The following ASTN1 variants were observed in gnomAD, a reference collection of about 807,000 sequenced individuals.
ASTN1 encodes the protein astrotactin 1.
In ASTN1, 41 loss-of-function variants were observed where a neutral mutation model predicts 140.7. The ratio of observed to expected loss-of-function variants is 0.29; its 90% CI spans 0.23 to 0.38. The LOEUF is 0.38. Among genes scored for constraint, ASTN1 ranks in the 10% least tolerant of loss-of-function variants. The probability of loss-of-function intolerance (pLI) is 1.00; values close to 1 mark genes in which losing one functional copy is unlikely to be tolerated. For missense variants in ASTN1, 1,479 were observed against 1,678.8 expected, an observed-to-expected ratio of 0.88 and a Z score of 2.08; for synonymous variants, 640 against 652.2, an observed-to-expected ratio of 0.98 and a Z score of 0.29.
In ASTN1 at chr1:177,061,127, T is replaced by C; in HGVS notation, c.422A>G (p.Gln141Arg). The change falls in exon 2 of 23, where the codon CAA (glutamine) becomes CGA (arginine). Residue 141 changes from glutamine (Q) to arginine (R), a missense_variant. Around this residue, in one of 3 missense-constraint regions of ASTN1, gnomAD observed 729 missense variants for 860.4 expected, o/e 0.85. Transcript: ENST00000361833. The part of the protein sequence containing the change: ...LPGQDPTEEP[Q>R]HESAEEELRI... ...CAGCTCCTCTTCTGCCGACTCATGT[T>C]GGGGTTCTTCAGTGGGGTCTTGTCC... 3 of 1,611,936 alleles carry C rather than the reference T, an allele frequency of 1.9e-6. No individual in the cohort carries two copies. The highest frequency in any genetic ancestry group is 8.5e-7 in the Non-Finnish European group (1 of 1,179,064).
chr1:176,919,546 G>A (rs1670642415), intron 16 of ASTN1, among the ~76,000 whole-genome samples: 1 of 152,148 alleles, frequency 6.6e-6, no homozygotes, highest in South Asian at 2.1e-4. Flanking sequence ...ACCTTACCAT[G>A]GTCAGTGTTG....
intron 1 of ASTN1, among the ~76,000 whole-genome samples, chr1:177,110,375 C>A (rs972635319): frequency 6.6e-6 from 1 of 152,172 alleles, no homozygotes; most frequent in Admixed American, 6.5e-5. Flanking sequence ...AAGACCAATA[C>A]ATCATTGTAC....
intron 5 of ASTN1, among the ~76,000 whole-genome samples, chr1:177,027,079 A>G (rs1394934531): frequency 6.6e-6 from 1 of 152,192 alleles, no homozygotes; most frequent in Non-Finnish European, 1.5e-5. Context: ...CCCTGACAAG[A>G]CCATCATAGT....
At chr1:177,020,053 T>C (rs566200272) in intron 7 of ASTN1, among the ~76,000 whole-genome samples, 2 of 152,162 alleles carry the variant, frequency 1.3e-5, no homozygotes, top group East Asian at 3.9e-4. Flanking sequence ...GCCTGTTTAA[T>C]TTTTTGTATT....
rs181852343 is a variant in ASTN1 at position 176,898,075 on chromosome 1, T to C, written c.2672-3245A>G. The stretch of plus-strand genomic sequence containing the variant: ...GTCATAGCTGTAAACATCTGAGGGG[T>C]TGCTCCCCTTGCTACTGTTTTCTGG... On this transcript the variant is annotated intron_variant, in intron 16 of 22. Coordinates refer to ENST00000361833, the MANE Select transcript of ASTN1 (RefSeq NM_004319.3). 3.1e-3 allele frequency among the ~76,000 whole-genome samples: 472 copies of C among 152,116 alleles called. 5 individuals carry two copies. Among genetic ancestry groups the C allele is most frequent in the African/African-American group, 0.011 (456 of 41,472 alleles).
intron 19 of ASTN1, among the ~76,000 whole-genome samples, chr1:176,883,894 T>C (rs1668913893): frequency 2.0e-5 from 3 of 152,184 alleles, no homozygotes; most frequent in Admixed American, 2.0e-4. Flanking sequence ...GGAAAAGACA[T>C]GGGCCAAACA....
intron 8 of ASTN1, among the ~76,000 whole-genome samples, chr1:176,967,765 G>A (rs1208383016): frequency 1.3e-5 from 2 of 152,196 alleles, no homozygotes; most frequent in Non-Finnish European, 2.9e-5. Flanking sequence ...CTGTTGCTAA[G>A]TAGTTTAGGT....
Position 177,017,164 on chromosome 1 carries a change from C to G in ASTN1, c.1439-2289G>C, listed in dbSNP as rs1675587877. On this transcript the variant is annotated intron_variant, in intron 7 of 22. Transcript: ENST00000361833. ...ATAGCACATTTACCTTCTGAAATTGCCTTCGTAGTCATTATCTCCTTATGA... is the reference window on the plus strand; with the variant it reads ...ATAGCACATTTACCTTCTGAAATTGGCTTCGTAGTCATTATCTCCTTATGA... Among the ~76,000 whole-genome samples the G allele has an allele frequency of 4.6e-5, 7 of 152,228 alleles. 1 individual carries two copies. The South Asian group carries it at 1.4e-3, about 31-fold the overall frequency.
At position 176,936,290 on chromosome 1, in the gene ASTN1, G is replaced by A; in HGVS notation, c.2458C>T (p.Leu820Phe). 6.2e-7 allele frequency: 1 copy of A among 1,614,072 alleles called. No individual in the cohort carries two copies. The highest frequency in any genetic ancestry group is 1.1e-5 in the South Asian group (1 of 91,082). Reference sequence around the variant, plus strand: ...CCCTGAGAGATGGCCACTTGGTTGAGTTTGATGTGGTACATCACAGACCGG... The same window carrying A: ...CCCTGAGAGATGGCCACTTGGTTGAATTTGATGTGGTACATCACAGACCGG... Reference protein sequence around the residue: ...KVRSVMYHIKLNQVAISQALS... With the variant: ...KVRSVMYHIKFNQVAISQALS... The change falls in exon 15 of 23, where the codon CTC becomes TTC. Residue 820 changes from leucine to phenylalanine, a missense_variant. Leu to Phe is a conservative substitution (Grantham distance 22). Around this residue, in one of 3 missense-constraint regions of ASTN1, gnomAD observed 746 missense variants for 800.9 expected, o/e 0.93. Coordinates refer to ENST00000361833, the MANE Select transcript of ASTN1 (RefSeq NM_004319.3).
At chr1:176,993,579 G>T (rs757263391) in intron 8 of ASTN1, among the ~76,000 whole-genome samples, 2 of 152,122 alleles carry the variant, frequency 1.3e-5, no homozygotes, top group African/African-American at 2.4e-5. Context: ...CTGCTATAAA[G>T]TCTAGCTGCA....
At chr1:176,890,368 T>A (rs988427603) in intron 17 of ASTN1, among the ~76,000 whole-genome samples, 1 of 152,188 alleles carries the variant, frequency 6.6e-6, no homozygotes, top group African/African-American at 2.4e-5. Flanking sequence ...CTCATGAAAG[T>A]TGAAGTAGTG....
At chr1:176,960,141 C>A in intron 9 of ASTN1, among the ~76,000 whole-genome samples, 1 of 152,070 alleles carries the variant, frequency 6.6e-6, no homozygotes, top group Non-Finnish European at 1.5e-5. Context: ...GAATCCGGGA[C>A]TTAAGGATAA....
chr1:177,073,840 C>T (rs1678762634), intron 1 of ASTN1, among the ~76,000 whole-genome samples: 1 of 151,356 alleles, frequency 6.6e-6, no homozygotes, highest in African/African-American at 2.4e-5. Context: ...AAACATCTAT[C>T]AAAGGGCTGT....
chr1:177,086,831 A>C (rs1679495009), intron 1 of ASTN1, among the ~76,000 whole-genome samples: 1 of 152,152 alleles, frequency 6.6e-6, no homozygotes, highest in African/African-American at 2.4e-5. Flanking sequence ...ATGTTCAATA[A>C]ATAGTTTGTA....
chr1:176,878,385 A>G (rs1433753499), intron 20 of ASTN1, among the ~76,000 whole-genome samples: 2 of 150,096 alleles, frequency 1.3e-5, no homozygotes, highest in African/African-American at 2.5e-5. Flanking sequence ...CCTGATTCCA[A>G]ACTCAAGGTC....
At chr1:177,039,615 C>T (rs2101990708) in intron 2 of ASTN1, among the ~76,000 whole-genome samples, 1 of 152,292 alleles carries the variant, frequency 6.6e-6, no homozygotes, top group Admixed American at 6.5e-5. Flanking sequence ...TTACTAGCAA[C>T]ATGAAGAACC....
chr1:176,906,048 A>G (rs1162041957), intron 16 of ASTN1, among the ~76,000 whole-genome samples: 1 of 152,232 alleles, frequency 6.6e-6, no homozygotes, highest in African/African-American at 2.4e-5. Flanking sequence ...CCTGGTGACT[A>G]AGGTGACACA....
At chr1:176,941,952 G>T (rs1454232240) in intron 14 of ASTN1, among the ~76,000 whole-genome samples, 1 of 152,166 alleles carries the variant, frequency 6.6e-6, no homozygotes, top group Non-Finnish European at 1.5e-5. Flanking sequence ...TCCGGAAGCT[G>T]CAAGTTAATT....
intron 8 of ASTN1, among the ~76,000 whole-genome samples, chr1:176,986,818 G>C (rs1464521423): frequency 6.6e-6 from 1 of 152,136 alleles, no homozygotes; most frequent in African/African-American, 2.4e-5. Context: ...TTCTTAAAAA[G>C]ATGAAAAGAA....
Sources: allele counts gnomAD v4.1 joint callset (sites outside exome capture counted in the v4.1 genomes callset), GRCh38; gene constraint gnomAD v4.1.1; regional missense constraint gnomAD v4.1.1; transcripts MANE v1.5; gene names NCBI Gene and HGNC (gene_info 2026-07-23, HGNC 2026-07-21).